The following SCGN variants were observed in gnomAD, a reference collection of about 807,000 sequenced individuals.
SCGN encodes the protein secretagogin, EF-hand calcium binding protein, also known as secretagogin.
In SCGN, 30 loss-of-function variants were observed where a neutral mutation model predicts 39.7. The observed-to-expected ratio is 0.76, with a 90% CI of 0.57 to 1.03. The LOEUF is 1.03. Among genes scored for constraint, SCGN ranks in the 50% least tolerant of loss-of-function variants. The pLI is 0.00. For synonymous variants in SCGN, 106 were observed against 114.1 expected (o/e 0.93, Z 0.45); for missense variants, 353 against 349.4 (o/e 1.01, Z -0.08).
chr6:25,668,444 A>G (rs1759428873), intron 4 of SCGN, among the ~76,000 whole-genome samples: 1 of 152,232 alleles, frequency 6.6e-6, no homozygotes, highest in Admixed American at 6.5e-5. Flanking sequence ...TAAGAGGAGT[A>G]GCTTATAACT....
chr6:25,659,042 T>C (rs554666255), intron 2 of SCGN, among the ~76,000 whole-genome samples: 62 of 152,318 alleles, frequency 4.1e-4, no homozygotes, highest in African/African-American at 1.4e-3. Context: ...ACATCAAACA[T>C]TTGCTATGCA....
At chr6:25,692,406 T>G (rs1230492283) in intron 10 of SCGN, among the ~76,000 whole-genome samples, 1 of 152,334 alleles carries the variant, frequency 6.6e-6, no homozygotes, top group East Asian at 1.9e-4. Context: ...GGGCAGTGAC[T>G]GCCTGAGTGT....
chr6:25,687,655 A>G (rs1582586604), intron 7 of SCGN, among the ~76,000 whole-genome samples: 1 of 152,218 alleles, frequency 6.6e-6, no homozygotes, highest in East Asian at 1.9e-4. Flanking sequence ...CTATTCTGCC[A>G]ATCTCTGCTT....
intron 10 of SCGN, among the ~76,000 whole-genome samples, chr6:25,697,451 C>T (rs1759853366): frequency 6.6e-6 from 1 of 152,190 alleles, no homozygotes; most frequent in South Asian, 2.1e-4. Flanking sequence ...AATTCAGTTC[C>T]TCTAGTGGTC....
chr6:25,672,560 C>T (rs975445890), intron 6 of SCGN, among the ~76,000 whole-genome samples: 3 of 152,050 alleles, frequency 2.0e-5, no homozygotes, highest in African/African-American at 4.8e-5. Context: ...AGTGCAAGAG[C>T]GCACTTGGGA....
At chr6:25,697,718 A>G (rs1273061267) in intron 10 of SCGN, among the ~76,000 whole-genome samples, 1 of 152,222 alleles carries the variant, frequency 6.6e-6, no homozygotes, top group African/African-American at 2.4e-5. Context: ...TATTGCCAAG[A>G]TTAAAGGGAG....
At chr6:25,700,575 C>T (rs886497708) in intron 10 of SCGN, among the ~76,000 whole-genome samples, 4 of 152,152 alleles carry the variant, frequency 2.6e-5, no homozygotes, top group African/African-American at 7.2e-5. Flanking sequence ...TTATTTACTT[C>T]CCAGCATTAT....
chr6:25,665,352 G>T (rs1246944860), intron 4 of SCGN, among the ~76,000 whole-genome samples: 2 of 152,176 alleles, frequency 1.3e-5, no homozygotes, highest in Non-Finnish European at 2.9e-5. Flanking sequence ...TGGAGAGCAT[G>T]TGCCCCATCT....
At chr6:25,679,416 T>G (rs548902703) in intron 6 of SCGN, among the ~76,000 whole-genome samples, 1 of 152,190 alleles carries the variant, frequency 6.6e-6, no homozygotes, top group African/African-American at 2.4e-5. Context: ...CTAGGAATAC[T>G]TCATCATCAT....
intron 7 of SCGN, among the ~76,000 whole-genome samples, chr6:25,684,560 C>T (rs1340962450): frequency 1.3e-5 from 2 of 152,082 alleles, no homozygotes; most frequent in African/African-American, 2.4e-5. Flanking sequence ...TGTGGGAGGC[C>T]GAGGCAGGTG....
At chr6:25,673,256 C>A (rs868457973) in intron 6 of SCGN, among the ~76,000 whole-genome samples, 7 of 152,136 alleles carry the variant, frequency 4.6e-5, no homozygotes, top group Non-Finnish European at 7.3e-5. Context: ...TTTGTACAGA[C>A]CTAATCTTCC....
chr6:25,690,223 A>G (rs112280638), intron 9 of SCGN, among the ~76,000 whole-genome samples: 1,845 of 152,306 alleles, frequency 0.012, 35 homozygotes, highest in African/African-American at 0.041. Flanking sequence ...CTTATTACCT[A>G]TGTGGCCTTG....
intron 4 of SCGN, among the ~76,000 whole-genome samples, chr6:25,666,064 G>T (rs896990089): frequency 6.6e-6 from 1 of 151,716 alleles, no homozygotes; most frequent in African/African-American, 2.4e-5. Context: ...TCCTGGCTGG[G>T]TGTGGTGGCT....
intron 3 of SCGN, among the ~76,000 whole-genome samples, chr6:25,663,705 G>A (rs933724386): frequency 6.6e-6 from 1 of 152,178 alleles, no homozygotes; most frequent in African/African-American, 2.4e-5. Flanking sequence ...GCCTCCCATT[G>A]ATAAAAAGGG....
In SCGN at chr6:25,652,378, G is replaced by C; in HGVS notation, c.-26G>C. 6.2e-7 allele frequency: 1 copy of C among 1,608,868 alleles called. No homozygotes were observed. The highest frequency in any genetic ancestry group is 8.5e-7 in the Non-Finnish European group (1 of 1,175,428). ...AAAGTTGTCTAGGTCCTTCCGCGCC[G>C]GTGCCTGGTCTTCGTCGTCAACACC... On this transcript the variant is annotated 5_prime_UTR_variant, in exon 1 of 11. Coordinates refer to ENST00000377961, the MANE Select transcript of SCGN (RefSeq NM_006998.4).
chr6:25,669,102 C>T (rs1345724641), intron 4 of SCGN, among the ~76,000 whole-genome samples: 1 of 112,182 alleles, frequency 8.9e-6, no homozygotes. Context: ...CAGAGCGAGA[C>T]TCCGTCTCAA....
intron 3 of SCGN, among the ~76,000 whole-genome samples, chr6:25,663,245 A>G (rs1008320701): frequency 6.6e-6 from 1 of 152,186 alleles, no homozygotes; most frequent in African/African-American, 2.4e-5. Context: ...TGACATAAAA[A>G]TCAGCCCACT....
At chr6:25,659,501 G>T (rs774628534) in intron 2 of SCGN, among the ~76,000 whole-genome samples, 1 of 152,100 alleles carries the variant, frequency 6.6e-6, no homozygotes, top group Non-Finnish European at 1.5e-5. Flanking sequence ...AAAATGAAAG[G>T]GTAGTGTCTC....
intron 6 of SCGN, among the ~76,000 whole-genome samples, chr6:25,675,907 C>G (rs1340626684): frequency 6.6e-6 from 1 of 152,200 alleles, no homozygotes; most frequent in South Asian, 2.1e-4. Context: ...ATGTCTGATT[C>G]AGACCACTTC....
Sources: allele counts gnomAD v4.1 joint callset (sites outside exome capture counted in the v4.1 genomes callset), GRCh38; gene constraint gnomAD v4.1.1; transcripts MANE v1.5; gene names NCBI Gene and HGNC (gene_info 2026-07-23, HGNC 2026-07-21).